FBXW7: variants seen among roughly 807,000 people sequenced by gnomAD.
FBXW7 encodes F-box and WD repeat domain containing 7, also known as F-box/WD repeat-containing protein 7.
In FBXW7, 11 loss-of-function variants were observed where a neutral mutation model predicts 86.3. That is an observed-to-expected ratio of 0.13 (90% CI 0.08 to 0.21). FBXW7 has a LOEUF of 0.21. FBXW7 is among the 10% of genes least tolerant of loss of function. The pLI, the probability that FBXW7 is intolerant of heterozygous loss-of-function variation, is 1.00. For synonymous variants in FBXW7, 313 were observed against 297.9 expected (o/e 1.05, Z -0.52); for missense variants, 488 against 847.4 (o/e 0.58, Z 5.27).
intron 2 of FBXW7, among the ~76,000 whole-genome samples, chr4:152,441,153 CTTA>C (rs1740862413): frequency 2.0e-5 from 3 of 152,272 alleles, no homozygotes; most frequent in Admixed American, 6.5e-5. Context: ...TGTTCCTCTC[CTTA>C]TTGAGATGAC....
intron 2 of FBXW7, among the ~76,000 whole-genome samples, chr4:152,509,220 A>C (rs993507320): frequency 6.6e-6 from 1 of 152,232 alleles, no homozygotes; most frequent in Non-Finnish European, 1.5e-5. Context: ...ATCTGAATAA[A>C]GTCTGTAGAC....
intron 2 of FBXW7, among the ~76,000 whole-genome samples, chr4:152,420,853 G>A (rs1480209657): frequency 6.6e-6 from 1 of 152,070 alleles, no homozygotes; most frequent in Non-Finnish European, 1.5e-5. Context: ...TAATTCTTAG[G>A]ACCCTGTGAT....
chr4:152,492,015 A>T (rs1216535414), intron 2 of FBXW7, among the ~76,000 whole-genome samples: 1 of 152,146 alleles, frequency 6.6e-6, no homozygotes, highest in Non-Finnish European at 1.5e-5. Context: ...TCACTTCAAG[A>T]AGGCCCCTTA....
chr4:152,427,730 T>A (rs1304047482), intron 2 of FBXW7, among the ~76,000 whole-genome samples: 4 of 152,246 alleles, frequency 2.6e-5, no homozygotes, highest in African/African-American at 9.6e-5. Context: ...TTTTGTTATG[T>A]GAGTTCTATC....
At chr4:152,517,643 T>A (rs1748618628) in intron 2 of FBXW7, among the ~76,000 whole-genome samples, 1 of 152,200 alleles carries the variant, frequency 6.6e-6, no homozygotes, top group Non-Finnish European at 1.5e-5. Context: ...TTTTCAGCTA[T>A]AAAATAGGGA....
intron 4 of FBXW7, among the ~76,000 whole-genome samples, chr4:152,405,014 C>T (rs535637280): frequency 1.3e-5 from 2 of 149,854 alleles, no homozygotes; most frequent in South Asian, 2.1e-4. Context: ...ATTGCTTAAG[C>T]CTGGGAGGTG....
intron 2 of FBXW7, among the ~76,000 whole-genome samples, chr4:152,478,130 T>C (rs571185460): frequency 1.3e-5 from 2 of 152,258 alleles, no homozygotes; most frequent in East Asian, 1.9e-4. Context: ...TTCAGTAGCA[T>C]TGAGTACATT....
intron 2 of FBXW7, among the ~76,000 whole-genome samples, chr4:152,500,979 AT>A (rs1680567646): frequency 6.6e-6 from 1 of 152,178 alleles, no homozygotes; most frequent in Non-Finnish European, 1.5e-5. Context: ...TGGTACTCAA[AT>A]TTAAGAGCAA....
At chr4:152,506,988 G>T (rs2149708519) in intron 2 of FBXW7, among the ~76,000 whole-genome samples, 1 of 152,304 alleles carries the variant, frequency 6.6e-6, no homozygotes, top group Non-Finnish European at 1.5e-5. Context: ...ACCTTGCTTA[G>T]TTAAAATCTC....
chr4:152,508,215 T>C (rs868085152), intron 2 of FBXW7, among the ~76,000 whole-genome samples: 8 of 152,026 alleles, frequency 5.3e-5, no homozygotes, highest in Non-Finnish European at 8.8e-5. Context: ...ATGAAATCCA[T>C]AGAAGAATCT....
chr4:152,366,069 T>A (rs186546935), intron 4 of FBXW7, among the ~76,000 whole-genome samples: 1 of 152,332 alleles, frequency 6.6e-6, no homozygotes, highest in African/African-American at 2.4e-5. Context: ...CCATTAATTT[T>A]GAACACAATT....
At chr4:152,347,972 A>G (rs1392086155) in intron 5 of FBXW7, among the ~76,000 whole-genome samples, 2 of 151,968 alleles carry the variant, frequency 1.3e-5, no homozygotes, top group African/African-American at 4.8e-5. Flanking sequence ...AAGACCTTGG[A>G]AAAAAAGCAG....
At position 152,453,803 on chromosome 4, in the gene FBXW7, T is replaced by C. The variant is rs1742139325; in HGVS notation, c.-119-41274A>G. 2.0e-5 allele frequency among the ~76,000 whole-genome samples: 3 copies of C among 152,208 alleles called. No individual in the cohort carries two copies. In the South Asian group the frequency reaches 6.2e-4, roughly 31 times the overall value. Reference sequence around the variant, plus strand: ...TGTTAGTTTCTAAAAGAAAAAATATTTTTTAGAATTTTTTTGAATTTTTAA... The same window carrying C: ...TGTTAGTTTCTAAAAGAAAAAATATCTTTTAGAATTTTTTTGAATTTTTAA... On this transcript the variant is annotated intron_variant, in intron 2 of 13. Coordinates refer to ENST00000281708, the MANE Select transcript of FBXW7 (RefSeq NM_001349798.2).
chr4:152,333,809 T>C (rs1366669411), intron 7 of FBXW7, among the ~76,000 whole-genome samples: 4 of 152,152 alleles, frequency 2.6e-5, no homozygotes, highest in Admixed American at 2.0e-4. Flanking sequence ...ATACCAGCAC[T>C]TTGGGAGGCC....
intron 2 of FBXW7, among the ~76,000 whole-genome samples, chr4:152,439,934 A>C (rs934010850): frequency 6.6e-6 from 1 of 151,946 alleles, no homozygotes; most frequent in East Asian, 1.9e-4. Flanking sequence ...TACTTCTTCC[A>C]TATGTGCTGT....
At chr4:152,481,630 C>A (rs1478453255) in intron 2 of FBXW7, among the ~76,000 whole-genome samples, 3 of 152,176 alleles carry the variant, frequency 2.0e-5, no homozygotes, top group African/African-American at 7.2e-5. Context: ...ATTCATTATT[C>A]ATGAGTGGAG....
chr4:152,502,409 TA>T (rs1747040131), intron 2 of FBXW7, among the ~76,000 whole-genome samples: 1 of 152,148 alleles, frequency 6.6e-6, no homozygotes, highest in Admixed American at 6.5e-5. Flanking sequence ...AAAAATTAAC[TA>T]ATTTACAGTT....
chr4:152,323,971 T>A, intron 13 of FBXW7: 2 of 531,520 alleles, frequency 3.8e-6, no homozygotes, highest in Non-Finnish European at 6.7e-6. Context: ...CAGGAAGTGA[T>A]TAAACAATTT....
chr4:152,322,050 T>TA lies in FBXW7; in HGVS notation c.*830dup, dbSNP rs1017265194. 130 of 231,364 alleles carry TA rather than the reference T, an allele frequency of 5.6e-4. No homozygotes were observed. The highest frequency in any genetic ancestry group is 2.4e-3 in the African/African-American group (106 of 44,990). 14.3% of individuals were successfully genotyped at this position (231,364 alleles called of 1,614,324 possible). On this transcript the variant is annotated 3_prime_UTR_variant, in exon 14 of 14. Coordinates refer to ENST00000281708, the MANE Select transcript of FBXW7 (RefSeq NM_001349798.2). ...CTAAAACGTCACAGCAGAAAAAAAA[T>TA]AAAAAAAAATAATTTGCTTTTTTCT...
Sources: gnomAD v4.1 joint callset for allele counts (sites outside exome capture counted in the v4.1 genomes callset) on GRCh38, gnomAD v4.1.1 for gene constraint, MANE v1.5 for transcripts, NCBI Gene and HGNC (gene_info 2026-07-23, HGNC 2026-07-21) for gene names.